SEMA3A: variants seen among roughly 807,000 people sequenced by gnomAD.
The protein encoded by SEMA3A is semaphorin-3A.
A neutral mutation model predicts 97.9 loss-of-function variants in SEMA3A; 29 were observed. The observed-to-expected ratio is 0.30, with a 90% CI of 0.22 to 0.40. The LOEUF is 0.40. Among genes scored for constraint, SEMA3A ranks in the 10% least tolerant of loss-of-function variants. The pLI, the probability that SEMA3A is intolerant of heterozygous loss-of-function variation, is 1.00. For missense variants in SEMA3A, 763 were observed against 951.3 expected, an observed-to-expected ratio of 0.80 and a Z score of 2.60; for synonymous variants, 321 against 323.7, an observed-to-expected ratio of 0.99 and a Z score of 0.09.
chr7:84,428,225 A>G (rs1804878256), intron 1 of SEMA3A, among the ~76,000 whole-genome samples: 1 of 152,114 alleles, frequency 6.6e-6, no homozygotes, highest in Non-Finnish European at 1.5e-5. Context: ...ATGGAAGTCA[A>G]GTTCCTGCTT....
chr7:84,462,525 G>T (rs886695457), intron 1 of SEMA3A, among the ~76,000 whole-genome samples: 2 of 152,120 alleles, frequency 1.3e-5, no homozygotes, highest in Non-Finnish European at 2.9e-5. Context: ...AATTAGAATA[G>T]CTATGGTCTG....
chr7:84,050,951 A>G (rs1792604167), intron 5 of SEMA3A, among the ~76,000 whole-genome samples: 1 of 151,648 alleles, frequency 6.6e-6, no homozygotes, highest in Non-Finnish European at 1.5e-5. Context: ...TCCCAGCACC[A>G]TTTATTAAAT....
intron 2 of SEMA3A, among the ~76,000 whole-genome samples, chr7:84,337,642 T>C (rs539663402): frequency 7.2e-5 from 11 of 152,128 alleles, no homozygotes; most frequent in African/African-American, 2.2e-4. Context: ...GGAGGGATCA[T>C]TGTGTTGAGA....
At chr7:84,351,757 A>T (rs1802443351) in intron 2 of SEMA3A, among the ~76,000 whole-genome samples, 1 of 152,084 alleles carries the variant, frequency 6.6e-6, no homozygotes, top group Non-Finnish European at 1.5e-5. Context: ...GAACCCTTGT[A>T]CACTGTTGGT....
At chr7:84,108,771 G>A (rs1795189753) in intron 4 of SEMA3A, among the ~76,000 whole-genome samples, 3 of 151,976 alleles carry the variant, frequency 2.0e-5, no homozygotes, top group Non-Finnish European at 2.9e-5. Flanking sequence ...CGGACATGTC[G>A]GCTTGCACCT....
chr7:84,276,680 T>A (rs367741457), intron 3 of SEMA3A, among the ~76,000 whole-genome samples: 2 of 152,126 alleles, frequency 1.3e-5, no homozygotes, highest in Admixed American at 6.6e-5. Flanking sequence ...TACAGTAATA[T>A]ACTATCAAGC....
chr7:84,366,574 T>C (rs1200917759), intron 2 of SEMA3A, among the ~76,000 whole-genome samples: 2 of 151,372 alleles, frequency 1.3e-5, no homozygotes, highest in African/African-American at 4.8e-5. Flanking sequence ...TCATCCTCTG[T>C]GATTCCGTGC....
At chr7:84,084,417 G>A (rs1794264698) in intron 4 of SEMA3A, among the ~76,000 whole-genome samples, 1 of 151,802 alleles carries the variant, frequency 6.6e-6, no homozygotes, top group African/African-American at 2.4e-5. Flanking sequence ...GGAAAAATAT[G>A]TCTAACTAGT....
intron 3 of SEMA3A, among the ~76,000 whole-genome samples, chr7:84,118,104 T>G (rs1795489428): frequency 6.6e-6 from 1 of 152,200 alleles, no homozygotes; most frequent in Non-Finnish European, 1.5e-5. Flanking sequence ...TAATAGAGTT[T>G]AAGCCTATAC....
At chr7:84,427,304 T>C (rs984275173) in intron 1 of SEMA3A, among the ~76,000 whole-genome samples, 1 of 152,056 alleles carries the variant, frequency 6.6e-6, no homozygotes. Context: ...TGACCATGAC[T>C]AGGAATTACA....
intron 1 of SEMA3A, among the ~76,000 whole-genome samples, chr7:84,486,445 C>T (rs1806575898): frequency 6.6e-6 from 1 of 152,094 alleles, no homozygotes; most frequent in Admixed American, 6.6e-5. Flanking sequence ...TTTATTCCTA[C>T]ACCACATCTA....
At chr7:84,485,273 T>C (rs2116442378) in intron 1 of SEMA3A, among the ~76,000 whole-genome samples, 1 of 152,274 alleles carries the variant, frequency 6.6e-6, no homozygotes, top group East Asian at 1.9e-4. Flanking sequence ...TGTGATAAAA[T>C]ATACTTCCAT....
intron 1 of SEMA3A, among the ~76,000 whole-genome samples, chr7:84,184,182 G>A (rs1584096274): frequency 1.3e-5 from 2 of 152,106 alleles, no homozygotes; most frequent in African/African-American, 2.4e-5. Context: ...ACAGGCGTCA[G>A]AACGTTTTTT....
intron 5 of SEMA3A, among the ~76,000 whole-genome samples, chr7:84,055,015 C>T (rs561456116): frequency 0.011 from 1,604 of 148,490 alleles, 16 homozygotes; most frequent in Non-Finnish European, 0.016. Flanking sequence ...TTAGGCTGCT[C>T]AGGGGTCAGG....
chr7:84,378,905 T>TTTGTTG lies in SEMA3A; in HGVS notation c.-245-7011_-245-7006dup, dbSNP rs71078825. Among the ~76,000 whole-genome samples the TTTGTTG allele has an allele frequency of 5.2e-4, 76 of 145,692 alleles. 1 individual carries two copies. Among genetic ancestry groups the TTTGTTG allele is most frequent in the Middle Eastern group, 3.4e-3 (1 of 290 alleles). ...CTCTCTCTCTCTCTCCATATATATT[T>TTTGTTG]TTGTTGTTGTTGTTGTTGTTGTTTT... is the stretch of plus-strand genomic sequence containing the variant. On this transcript the variant is annotated intron_variant, in intron 1 of 3. Coordinates refer to the SEMA3A transcript ENST00000424555.
chr7:84,263,515 AT>A (rs1368329726), intron 3 of SEMA3A, among the ~76,000 whole-genome samples: 3 of 152,224 alleles, frequency 2.0e-5, no homozygotes, highest in Non-Finnish European at 2.9e-5. Flanking sequence ...AATGGGTTTA[AT>A]AAAAGTACCT....
intron 3 of SEMA3A, among the ~76,000 whole-genome samples, chr7:84,276,318 T>A (rs1265768061): frequency 6.6e-6 from 1 of 152,074 alleles, no homozygotes; most frequent in African/African-American, 2.4e-5. Context: ...TTTTAACCCT[T>A]ATGTCTCTTT....
intron 1 of SEMA3A, among the ~76,000 whole-genome samples, chr7:84,438,215 T>C (rs910061315): frequency 5.9e-5 from 9 of 152,120 alleles, no homozygotes; most frequent in African/African-American, 2.2e-4. Context: ...CCAGAATGAC[T>C]TGGATACAAA....
chr7:84,435,347 T>C (rs1157598542), intron 1 of SEMA3A, among the ~76,000 whole-genome samples: 1 of 152,082 alleles, frequency 6.6e-6, no homozygotes, highest in East Asian at 1.9e-4. Context: ...CAGTGGCTCA[T>C]GCCTGTAATC....
Sources: allele counts gnomAD v4.1 joint callset (sites outside exome capture counted in the v4.1 genomes callset), GRCh38; gene constraint gnomAD v4.1.1; transcripts MANE v1.5; gene names NCBI Gene and HGNC (gene_info 2026-07-23, HGNC 2026-07-21).